Variants in PID1 observed in about 807,000 individuals in gnomAD.
The protein encoded by PID1 is phosphotyrosine interaction domain containing 1, also known as PTB-containing, cubilin and LRP1-interacting protein.
Under a neutral mutation model 19.1 loss-of-function variants are expected in PID1, and 10 were observed. The ratio of observed to expected loss-of-function variants is 0.52; its 90% CI spans 0.32 to 0.89. The LOEUF (loss-of-function observed/expected upper bound fraction) is 0.89. Ranked by LOEUF, PID1 falls within the 40% of genes least tolerant of loss-of-function variation. PID1 has a pLI of 0.03. For missense variants in PID1, 248 were observed against 285.3 expected (o/e 0.87, Z 0.94); for synonymous variants, 130 against 116.0 (o/e 1.12, Z -0.78).
chr2:229,067,800 C>A (rs563888657), intron 2 of PID1, among the ~76,000 whole-genome samples: 197 of 152,290 alleles, frequency 1.3e-3, no homozygotes, highest in Non-Finnish European at 2.5e-3. Flanking sequence ...CTCTGTGGTG[C>A]TCTCCCACCT....
At chr2:229,034,375 T>C (rs1041707213) in intron 2 of PID1, among the ~76,000 whole-genome samples, 3 of 152,186 alleles carry the variant, frequency 2.0e-5, no homozygotes, top group Admixed American at 1.3e-4. Context: ...CCATAAGGTA[T>C]GTACTAGCTG....
rs151214818 is a variant in PID1, at chr2:229,180,082, G to T, written c.31-24118C>A. On this transcript the variant is annotated intron_variant, in intron 1 of 2. Coordinates refer to ENST00000392055, the MANE Select transcript of PID1 (RefSeq NM_001100818.2). ...TACAACCACATGCACTTCGTATACA[G>T]GTCCCAAATCTGAAGTCTCCTTCAT... is the stretch of plus-strand genomic sequence containing the variant. 2.4e-4 allele frequency among the ~76,000 whole-genome samples: 36 copies of T among 152,252 alleles called. No individual in the cohort carries two copies. The South Asian group carries it at 5.6e-3, about 24-fold the overall frequency.
intron 2 of PID1, among the ~76,000 whole-genome samples, chr2:229,032,717 T>C (rs185914836): frequency 1.1e-3 from 170 of 152,304 alleles, no homozygotes; most frequent in African/African-American, 3.7e-3. Flanking sequence ...TGAAACTTAT[T>C]ACCAATGAAT....
chr2:229,143,394 T>C (rs921549487), intron 2 of PID1, among the ~76,000 whole-genome samples: 2 of 152,138 alleles, frequency 1.3e-5, no homozygotes, highest in Non-Finnish European at 2.9e-5. Context: ...AATCTACATT[T>C]ATCATCTGTC....
chr2:229,028,182 T>A (rs1266781441), intron 2 of PID1, among the ~76,000 whole-genome samples: 1 of 152,226 alleles, frequency 6.6e-6, no homozygotes, highest in Non-Finnish European at 1.5e-5. Flanking sequence ...ATGTCAGCTA[T>A]TTTCAGATGT....
chr2:229,113,564 GTTTGTGTA>G (rs1211994573), intron 2 of PID1, among the ~76,000 whole-genome samples: 3 of 139,940 alleles, frequency 2.1e-5, no homozygotes, highest in African/African-American at 7.9e-5. Flanking sequence ...AGGCCTAGTT[GTTTGTGTA>G]TGTGTGTATG....
chr2:229,035,784 C>G (rs1175476657), intron 2 of PID1, among the ~76,000 whole-genome samples: 1 of 152,152 alleles, frequency 6.6e-6, no homozygotes, highest in Non-Finnish European at 1.5e-5. Context: ...AATGTCCATA[C>G]TGAGACCAAG....
At chr2:229,172,410 C>G (rs113567785) in intron 1 of PID1, among the ~76,000 whole-genome samples, 9 of 152,282 alleles carry the variant, frequency 5.9e-5, no homozygotes, top group Non-Finnish European at 1.0e-4. Flanking sequence ...CTCTTTTTGA[C>G]GGCTCCAGGA....
At chr2:229,250,138 C>T (rs1003836849) in intron 1 of PID1, among the ~76,000 whole-genome samples, 2 of 152,110 alleles carry the variant, frequency 1.3e-5, no homozygotes, top group Non-Finnish European at 2.9e-5. Flanking sequence ...CTGCTCACAT[C>T]CAATGTGAAA....
At chr2:229,030,514 C>T (rs55657434) in intron 2 of PID1, among the ~76,000 whole-genome samples, 7,303 of 152,174 alleles carry the variant, frequency 0.048, 229 homozygotes, top group Non-Finnish European at 0.071. Flanking sequence ...TTTATTTTTA[C>T]TATTCACTGA....
intron 2 of PID1, among the ~76,000 whole-genome samples, chr2:229,046,361 T>C (rs1693878367): frequency 6.7e-6 from 1 of 148,934 alleles, no homozygotes; most frequent in Non-Finnish European, 1.5e-5. Context: ...TGTGTGTGTG[T>C]GTGTGTGTGT....
chr2:229,040,452 C>G (rs1693749998), intron 2 of PID1, among the ~76,000 whole-genome samples: 1 of 152,080 alleles, frequency 6.6e-6, no homozygotes, highest in African/African-American at 2.4e-5. Context: ...TGATTACCAA[C>G]ATGCAGTGGT....
intron 2 of PID1, among the ~76,000 whole-genome samples, chr2:229,028,013 T>TTG (rs1356225874): frequency 1.3e-5 from 2 of 151,988 alleles, no homozygotes; most frequent in Admixed American, 6.6e-5. Flanking sequence ...GCCTGACTGA[T>TTG]AGCAGAGACA....
chr2:229,079,419 A>C lies in PID1; in HGVS notation c.178-53311T>G, dbSNP rs528695947. On this transcript the variant is annotated intron_variant, in intron 2 of 2. Transcript: ENST00000392055. ...TGAATCATTTTGCAGTTTGTCAAGA[A>C]TATATGCTCTGAGGAATCAAAGATG... is the stretch of plus-strand genomic sequence containing the variant. Among the ~76,000 whole-genome samples, 6 of 152,284 alleles carry C rather than the reference A, an allele frequency of 3.9e-5. No homozygotes were observed. The South Asian group carries it at 1.2e-3, about 32-fold the overall frequency.
intron 2 of PID1, among the ~76,000 whole-genome samples, chr2:229,049,932 C>T (rs554726774): frequency 6.7e-4 from 72 of 107,888 alleles, no homozygotes; most frequent in African/African-American, 2.9e-3. Context: ...TATATACACA[C>T]ACATGCATAG....
chr2:229,136,798 C>T (rs942549216), intron 2 of PID1, among the ~76,000 whole-genome samples: 1 of 152,064 alleles, frequency 6.6e-6, no homozygotes, highest in African/African-American at 2.4e-5. Context: ...ATTCTCTGCC[C>T]TCCTTTAACT....
chr2:229,118,510 T>G (rs1321357750), intron 2 of PID1, among the ~76,000 whole-genome samples: 1 of 152,184 alleles, frequency 6.6e-6, no homozygotes, highest in African/African-American at 2.4e-5. Flanking sequence ...TAGCGCTACA[T>G]CCTAATCTTT....
intron 1 of PID1, among the ~76,000 whole-genome samples, chr2:229,203,548 A>G (rs1281572166): frequency 1.3e-5 from 2 of 152,158 alleles, no homozygotes; most frequent in Non-Finnish European, 1.5e-5. Flanking sequence ...GACTTACTGT[A>G]TAAGAAAAAT....
At chr2:229,063,586 A>C (rs1421293187) in intron 2 of PID1, among the ~76,000 whole-genome samples, 1 of 152,096 alleles carries the variant, frequency 6.6e-6, no homozygotes, top group Non-Finnish European at 1.5e-5. Flanking sequence ...CTAGAGAAGA[A>C]AGTGTAATCT....
Sources: gnomAD v4.1 joint callset for allele counts (sites outside exome capture counted in the v4.1 genomes callset) on GRCh38, gnomAD v4.1.1 for gene constraint, MANE v1.5 for transcripts, NCBI Gene and HGNC (gene_info 2026-07-23, HGNC 2026-07-21) for gene names.